The following DAB2IP variants were observed in gnomAD, a reference collection of about 807,000 sequenced individuals.
DAB2IP encodes DAB2 interacting protein, also known as disabled homolog 2-interacting protein.
In DAB2IP, 28 loss-of-function variants were observed where a neutral mutation model predicts 107.2. The observed-to-expected ratio is 0.26, with a 90% CI of 0.19 to 0.36. The LOEUF (loss-of-function observed/expected upper bound fraction) is 0.36. DAB2IP is among the 10% of genes least tolerant of loss of function. The probability of loss-of-function intolerance (pLI) is 1.00; values close to 1 mark genes in which losing one functional copy is unlikely to be tolerated. For missense variants in DAB2IP, 1,400 were observed against 1,644.7 expected, an observed-to-expected ratio of 0.85 and a Z score of 2.57; for synonymous variants, 755 against 706.4, an observed-to-expected ratio of 1.07 and a Z score of -1.09.
At chr9:121,769,709 A>G (rs1174981301) in intron 10 of DAB2IP, among the ~76,000 whole-genome samples, 5 of 152,224 alleles carry the variant, frequency 3.3e-5, no homozygotes, top group Non-Finnish European at 7.3e-5. Flanking sequence ...CTGAGACCCT[A>G]CATTCCACCT....
chr9:121,643,983 C>T (rs1053471191), intron 1 of DAB2IP, among the ~76,000 whole-genome samples: 10 of 152,292 alleles, frequency 6.6e-5, no homozygotes, highest in Admixed American at 1.3e-4. Context: ...GTCTGAGCAT[C>T]ATGGCAAGAC....
chr9:121,780,044 T>G (rs998074809), intron 14 of DAB2IP, among the ~76,000 whole-genome samples: 1 of 148,782 alleles, frequency 6.7e-6, no homozygotes, highest in East Asian at 1.9e-4. Flanking sequence ...TTTTCTGGTT[T>G]GTTTGTTTGG....
intron 1 of DAB2IP, among the ~76,000 whole-genome samples, chr9:121,657,310 G>A (rs1454269698): frequency 6.6e-6 from 1 of 152,200 alleles, no homozygotes; most frequent in Non-Finnish European, 1.5e-5. Context: ...GTCCTCGAAG[G>A]AGGCCACAGG....
At chr9:121,571,714 G>A (rs1176886627) in intron 1 of DAB2IP, among the ~76,000 whole-genome samples, 1 of 152,090 alleles carries the variant, frequency 6.6e-6, no homozygotes, top group East Asian at 1.9e-4. Context: ...CGCAGCCACT[G>A]GCACTGAAGT....
At position 121,702,768 on chromosome 9, in the gene DAB2IP, G is replaced by C. The variant is rs976231059; in HGVS notation, c.362+3310G>C. Among the ~76,000 whole-genome samples the C allele has an allele frequency of 7.9e-5, 12 of 152,156 alleles. No individual in the cohort carries two copies. Among genetic ancestry groups the C allele is most frequent in the African/African-American group, 2.9e-4 (12 of 41,430 alleles). ...ATTTATTTATTAATGTTACTGAGGA[G>C]CTAGGAGGGTCAGTTGGCAATATTA... On this transcript the variant is annotated intron_variant, in intron 3 of 15. Coordinates refer to ENST00000408936, the Ensembl canonical transcript of DAB2IP. This position sits in a 1 kb window ranked among gnomAD's most constrained non-coding sequence, Gnocchi z 4.5.
chr9:121,652,510 G>A (rs2119062550), intron 1 of DAB2IP, among the ~76,000 whole-genome samples: 1 of 152,304 alleles, frequency 6.6e-6, no homozygotes, highest in Admixed American at 6.5e-5. Flanking sequence ...CCCGGGGGCT[G>A]CGTTTGGGCG....
intron 1 of DAB2IP, among the ~76,000 whole-genome samples, chr9:121,624,683 C>T (rs1169487484): frequency 6.6e-6 from 1 of 152,204 alleles, no homozygotes; most frequent in Non-Finnish European, 1.5e-5. Context: ...CACCATCTAG[C>T]CTAGGCGTGC....
chr9:121,757,103 G>A, exon 4 of DAB2IP: 2 of 1,614,226 alleles, frequency 1.2e-6, no homozygotes, highest in Non-Finnish European at 1.7e-6. Flanking sequence ...ACCTCAGCAT[G>A]GAGGAAGAGG....
rs201992293 is a variant in DAB2IP at position 121,772,822 on chromosome 9, C to A, written c.2294C>A (p.Ala765Glu). The change falls in exon 12 of 16, where the codon GCG (alanine) becomes GAG (glutamate). Residue 765 changes from alanine to glutamate, a missense_variant. Ala to Glu is a moderately radical substitution (Grantham distance 107, BLOSUM62 -1). Transcript: ENST00000408936. This position sits in a 1 kb window ranked among gnomAD's most constrained non-coding sequence, Gnocchi z 4.7. ...CTGGATGGGGAGGCAGGCTCCCCGG[C>A]GGGCCCCGACGTCCTCCCCACAGAT... The A allele has an allele frequency of 6.2e-7, 1 of 1,604,504 alleles. No homozygotes were observed. Among genetic ancestry groups the A allele is most frequent in the Non-Finnish European group, 8.5e-7 (1 of 1,177,066 alleles).
In DAB2IP at chr9:121,611,980, T is replaced by C. The variant is rs77549662; in HGVS notation, c.40+44752T>C. On this transcript the variant is annotated intron_variant, in intron 1 of 16. Transcript: ENST00000259371. ...CTGCAGTTTTGTTATTACTTATTAT[T>C]TGCATTATTATTACTGATGGTCTTC... Among the ~76,000 whole-genome samples the C allele has an allele frequency of 2.9e-3, 443 of 152,332 alleles. 1 individual carries two copies. The highest frequency in any genetic ancestry group is 0.01 in the African/African-American group (421 of 41,574).
At chr9:121,755,755 C>T (rs377751309) in intron 3 of DAB2IP, among the ~76,000 whole-genome samples, 3 of 152,174 alleles carry the variant, frequency 2.0e-5, no homozygotes, top group Non-Finnish European at 4.4e-5. Context: ...GGCCTCAGCC[C>T]GCTGACCCGG....
intron 1 of DAB2IP, among the ~76,000 whole-genome samples, chr9:121,661,935 C>A (rs377634282): frequency 6.6e-6 from 1 of 151,530 alleles, no homozygotes; most frequent in Non-Finnish European, 1.5e-5. Context: ...GACCTATGAT[C>A]GCACCACTGC....
chr9:121,663,056 C>T (rs1833272692), intron 1 of DAB2IP, among the ~76,000 whole-genome samples: 1 of 152,108 alleles, frequency 6.6e-6, no homozygotes, highest in African/African-American at 2.4e-5. Flanking sequence ...GTGAATTCAT[C>T]CTTGGAGTGT....
intron 1 of DAB2IP, among the ~76,000 whole-genome samples, chr9:121,609,254 T>G (rs1314197367): frequency 6.6e-6 from 1 of 152,184 alleles, no homozygotes; most frequent in Non-Finnish European, 1.5e-5. Context: ...CTTCTAGTTT[T>G]TAATCTAGGT....
chr9:121,641,934 T>TC (rs1832317845), intron 1 of DAB2IP, among the ~76,000 whole-genome samples: 1 of 143,898 alleles, frequency 6.9e-6, no homozygotes, highest in African/African-American at 2.7e-5. Flanking sequence ...TCTTTCTTTC[T>TC]TTCTCTCTTT....
At chr9:121,669,378 A>G (rs973117149) in intron 1 of DAB2IP, among the ~76,000 whole-genome samples, 11 of 152,204 alleles carry the variant, frequency 7.2e-5, no homozygotes, top group Non-Finnish European at 1.3e-4. Flanking sequence ...CCCTCTAGCC[A>G]AAGACCCACC....
chr9:121,669,089 T>C (rs1315053744), intron 1 of DAB2IP, among the ~76,000 whole-genome samples: 10 of 152,018 alleles, frequency 6.6e-5, no homozygotes, highest in Non-Finnish European at 1.2e-4. Flanking sequence ...CTAATTTTTG[T>C]ATTTTTAGTA....
intron 1 of DAB2IP, among the ~76,000 whole-genome samples, chr9:121,580,455 G>T (rs967643863): frequency 2.6e-5 from 4 of 152,096 alleles, no homozygotes; most frequent in African/African-American, 9.7e-5. Context: ...CAAAGGAGGA[G>T]GATCGCTTGA....
At chr9:121,708,883 G>A (rs763493852) in intron 3 of DAB2IP, among the ~76,000 whole-genome samples, 1 of 152,218 alleles carries the variant, frequency 6.6e-6, no homozygotes, top group African/African-American at 2.4e-5. Context: ...ACTGTCTTTG[G>A]AGAGACTAGG....
Sources: allele counts gnomAD v4.1 joint callset (sites outside exome capture counted in the v4.1 genomes callset), GRCh38; gene constraint gnomAD v4.1.1; non-coding constraint Gnocchi (gnomAD v3.1); transcripts MANE v1.5; gene names NCBI Gene and HGNC (gene_info 2026-07-23, HGNC 2026-07-21).